Variants in SUPT3H observed in about 807,000 individuals in gnomAD.
SUPT3H encodes the protein transcription initiation protein SPT3 homolog.
A neutral mutation model predicts 44.3 loss-of-function variants in SUPT3H; 44 were observed. The observed-to-expected ratio is 0.99, with a 90% CI of 0.78 to 1.28. The LOEUF (loss-of-function observed/expected upper bound fraction) is 1.28. Ranked by LOEUF, SUPT3H falls within the 50% of genes most tolerant of loss-of-function variation. The pLI, the probability that SUPT3H is intolerant of heterozygous loss-of-function variation, is 0.00. For missense variants in SUPT3H, 380 were observed against 387.1 expected (o/e 0.98, Z 0.15); for synonymous variants, 124 against 125.6 (o/e 0.99, Z 0.09).
Position 44,953,307 on chromosome 6 carries a change from TACCTC to T in SUPT3H, c.799_801+2del, listed in dbSNP as rs1774601433. 6.2e-7 allele frequency: 1 copy of T among 1,612,984 alleles called. No individual in the cohort carries two copies. On this transcript the variant is annotated splice_donor_variant and coding_sequence_variant, in exon 9 of 11. Transcript: ENST00000371459. LOFTEE classifies it high-confidence loss of function. ...TTTTAAGACAGATTTTTTTTGTACT[TACCTC>T]AGCAGAGTTGTGATACTGAATGAAG...
At chr6:45,291,050 C>A (rs1780233943) in intron 2 of SUPT3H, among the ~76,000 whole-genome samples, 1 of 152,156 alleles carries the variant, frequency 6.6e-6, no homozygotes, top group South Asian at 2.1e-4. Context: ...ATTCCTCCTG[C>A]AAGACCCTGG....
chr6:44,978,633 T>G (rs1284002080), intron 6 of SUPT3H, among the ~76,000 whole-genome samples: 1 of 152,208 alleles, frequency 6.6e-6, no homozygotes, highest in Non-Finnish European at 1.5e-5. Flanking sequence ...GGGAACACAG[T>G]GTTGTGACAT....
Position 44,894,105 on chromosome 6 carries a change from G to A in SUPT3H, c.912+38548C>T, listed in dbSNP as rs1184119680. The stretch of plus-strand genomic sequence containing the variant: ...TCTTGTAAATTTGTTGGAGTTCATT[G>A]TAGATTCTGGATATTAGCCCTTTGT... On this transcript the variant is annotated intron_variant, in intron 10 of 10. Transcript: ENST00000371459. Among the ~76,000 whole-genome samples, 6 of 136,008 alleles carry A rather than the reference G, an allele frequency of 4.4e-5. No homozygotes were observed. In the East Asian group the frequency reaches 1.0e-3, roughly 23 times the overall value. 89.2% of individuals were successfully genotyped at this position (136,008 alleles called of 152,430 possible).
chr6:45,118,747 T>C (rs1253604336), intron 2 of SUPT3H, among the ~76,000 whole-genome samples: 1 of 152,186 alleles, frequency 6.6e-6, no homozygotes, highest in African/African-American at 2.4e-5. Flanking sequence ...ATTGCACTGA[T>C]TGCCCTAACT....
intron 2 of SUPT3H, among the ~76,000 whole-genome samples, chr6:45,220,740 G>A (rs1765898390): frequency 2.0e-5 from 3 of 152,168 alleles, no homozygotes; most frequent in South Asian, 4.1e-4. Flanking sequence ...AGAAAACCTA[G>A]GCCATACCAT....
At chr6:45,050,768 T>G (rs1790152730) in intron 3 of SUPT3H, among the ~76,000 whole-genome samples, 1 of 152,104 alleles carries the variant, frequency 6.6e-6, no homozygotes. Context: ...AACTTGATGT[T>G]AAGTTTATAT....
intron 10 of SUPT3H, among the ~76,000 whole-genome samples, chr6:44,897,324 T>G (rs1316722814): frequency 1.3e-5 from 2 of 152,226 alleles, no homozygotes; most frequent in African/African-American, 2.4e-5. Flanking sequence ...CTACAGTCCA[T>G]TAGTCATCCT....
intron 3 of SUPT3H, among the ~76,000 whole-genome samples, chr6:45,092,054 C>T (rs1260012376): frequency 6.6e-6 from 1 of 151,914 alleles, no homozygotes; most frequent in Non-Finnish European, 1.5e-5. Context: ...TACTTGTAAA[C>T]CAACTAGATA....
chr6:44,929,602 A>G (rs1359864064), intron 10 of SUPT3H, among the ~76,000 whole-genome samples: 3 of 152,336 alleles, frequency 2.0e-5, no homozygotes, highest in Non-Finnish European at 2.9e-5. Flanking sequence ...TATGATTACT[A>G]TAAAAGCAGT....
intron 10 of SUPT3H, among the ~76,000 whole-genome samples, chr6:44,886,344 A>T (rs1016157959): frequency 2.0e-5 from 3 of 152,158 alleles, no homozygotes; most frequent in African/African-American, 7.2e-5. Context: ...AATGAAGGAA[A>T]AAATGTTAAG....
intron 2 of SUPT3H, among the ~76,000 whole-genome samples, chr6:45,297,145 G>A (rs375249067): frequency 6.6e-6 from 1 of 150,938 alleles, no homozygotes; most frequent in Non-Finnish European, 1.5e-5. Context: ...AGTAAAGCCA[G>A]GTTTCAGACA....
intron 2 of SUPT3H, among the ~76,000 whole-genome samples, chr6:45,329,784 A>G (rs577923187): frequency 6.6e-6 from 1 of 151,994 alleles, no homozygotes; most frequent in African/African-American, 2.4e-5. Context: ...AATGACTTTA[A>G]CATTCATCAG....
At chr6:45,101,591 T>G (rs1701577415) in intron 3 of SUPT3H, among the ~76,000 whole-genome samples, 1 of 152,222 alleles carries the variant, frequency 6.6e-6, no homozygotes, top group Non-Finnish European at 1.5e-5. Flanking sequence ...CATTATGTAG[T>G]GACTATAATA....
At chr6:45,092,750 CAA>C (rs71674371) in intron 3 of SUPT3H, among the ~76,000 whole-genome samples, 233 of 127,830 alleles carry the variant, frequency 1.8e-3, no homozygotes, top group African/African-American at 7.2e-3. Context: ...GACTTCGTCT[CAA>C]AAAAAAAAAA....
intron 2 of SUPT3H, among the ~76,000 whole-genome samples, chr6:45,351,596 C>T (rs902363190): frequency 2.4e-4 from 36 of 152,082 alleles, no homozygotes; most frequent in Non-Finnish European, 4.3e-4. Flanking sequence ...TTCTGTTCCT[C>T]CAGCTCTCTT....
intron 11 of SUPT3H, among the ~76,000 whole-genome samples, chr6:44,812,488 TA>T (rs1466034300): frequency 6.6e-6 from 1 of 152,226 alleles, no homozygotes; most frequent in African/African-American, 2.4e-5. Context: ...CCCATGTGGA[TA>T]ATCTAGGATA....
chr6:45,277,566 G>A (rs1474838061), intron 2 of SUPT3H, among the ~76,000 whole-genome samples: 5 of 152,088 alleles, frequency 3.3e-5, no homozygotes, highest in Admixed American at 2.6e-4. Flanking sequence ...TGAAGCAACA[G>A]GCAGGCATTC....
At chr6:45,094,998 T>C (rs73737883) in intron 3 of SUPT3H, among the ~76,000 whole-genome samples, 2 of 152,112 alleles carry the variant, frequency 1.3e-5, no homozygotes, top group Non-Finnish European at 1.5e-5. Context: ...TCTAAACATA[T>C]GCTTAATTTA....
At chr6:45,138,789 T>C (rs1489213163) in intron 2 of SUPT3H, among the ~76,000 whole-genome samples, 2 of 152,180 alleles carry the variant, frequency 1.3e-5, no homozygotes, top group African/African-American at 4.8e-5. Flanking sequence ...ACAGTTATGG[T>C]TACACAACTC....
Sources: allele counts gnomAD v4.1 joint callset (sites outside exome capture counted in the v4.1 genomes callset), GRCh38; gene constraint gnomAD v4.1.1; transcripts MANE v1.5; gene names NCBI Gene and HGNC (gene_info 2026-07-23, HGNC 2026-07-21).